Variants in RPA1 observed in about 807,000 individuals in gnomAD.
The protein encoded by RPA1 is replication protein A1.
RPA1 carries 49 observed loss-of-function variants against 83.0 expected under a neutral mutation model. The ratio of observed to expected loss-of-function variants is 0.59; its 90% CI spans 0.47 to 0.75. The LOEUF (loss-of-function observed/expected upper bound fraction) is 0.75, where lower values mean the gene tolerates loss of function less well. Among genes scored for constraint, RPA1 ranks in the 30% least tolerant of loss-of-function variants. RPA1 has a pLI of 0.00. For synonymous variants in RPA1, 279 were observed against 281.8 expected (o/e 0.99, Z 0.10); for missense variants, 693 against 776.1 (o/e 0.89, Z 1.27).
rs530297947 is a variant in RPA1, at chr17:1,846,634, T to C, written c.272+1948T>C. ...CGTGGCCGGCCGTCCATATTCTTTT[T>C]TCTTCTGGTATGTGGTATGCTTGTT... On this transcript the variant is annotated intron_variant, in intron 4 of 16. Coordinates refer to ENST00000254719, the MANE Select transcript of RPA1 (RefSeq NM_002945.5). 1.5e-4 allele frequency among the ~76,000 whole-genome samples: 23 copies of C among 152,214 alleles called. No individual in the cohort carries two copies. The South Asian group carries it at 4.8e-3, about 32-fold the overall frequency.
At chr17:1,842,038 T>C (rs1390519818) in intron 1 of RPA1, among the ~76,000 whole-genome samples, 1 of 152,144 alleles carries the variant, frequency 6.6e-6, no homozygotes, top group East Asian at 1.9e-4. Flanking sequence ...GATTCTTTTT[T>C]TTAAACAGAG....
chr17:1,841,106 T>C (rs1255015863), intron 1 of RPA1, among the ~76,000 whole-genome samples: 1 of 152,180 alleles, frequency 6.6e-6, no homozygotes, highest in East Asian at 1.9e-4. Context: ...TGATGGTGTT[T>C]AAGTGGCATT....
At position 1,889,221 on chromosome 17, in the gene RPA1, C is replaced by T. The variant is rs573661157; in HGVS notation, c.1551+370C>T. 1.8e-3 allele frequency among the ~76,000 whole-genome samples: 276 copies of T among 152,258 alleles called. 1 individual carries two copies. Among genetic ancestry groups the T allele is most frequent in the African/African-American group, 6.4e-3 (266 of 41,558 alleles). The stretch of plus-strand genomic sequence containing the variant: ...TCTCTAGCTTTAGTATAGCTGACTT[C>T]AGAGGAATGTGACGGTGTGCTGATG... On this transcript the variant is annotated intron_variant, in intron 14 of 16. Transcript: ENST00000254719.
At chr17:1,874,515 G>T (rs1913508864) in intron 6 of RPA1, among the ~76,000 whole-genome samples, 1 of 152,180 alleles carries the variant, frequency 6.6e-6, no homozygotes, top group Non-Finnish European at 1.5e-5. Context: ...TCAAAAAAAT[G>T]AAAATCAGTT....
chr17:1,875,388 C>T (rs9889302), intron 6 of RPA1, among the ~76,000 whole-genome samples: 12,963 of 152,244 alleles, frequency 0.085, 1,778 homozygotes, highest in African/African-American at 0.29. Flanking sequence ...CTGGATTCGT[C>T]ACCATTATTA....
At chr17:1,837,463 G>A (rs1161389909) in intron 1 of RPA1, among the ~76,000 whole-genome samples, 3 of 152,156 alleles carry the variant, frequency 2.0e-5, no homozygotes, top group Admixed American at 1.3e-4. Flanking sequence ...GTGGAAATAT[G>A]TTTTCGTTTC....
intron 1 of RPA1, among the ~76,000 whole-genome samples, chr17:1,833,257 A>G (rs1461370891): frequency 1.3e-5 from 2 of 152,164 alleles, no homozygotes; most frequent in Non-Finnish European, 2.9e-5. Flanking sequence ...GAGGCCTGCA[A>G]TCATGTCTGG....
chr17:1,875,901 A>T, intron 7 of RPA1, 108 bp downstream of exon 7: 1 of 1,034,580 alleles, frequency 9.7e-7, no homozygotes, highest in African/African-American at 1.7e-5. Flanking sequence ...ACCAAATACC[A>T]CCAAATAGAA....
At chr17:1,878,357 A>G (rs187786788) in intron 8 of RPA1, among the ~76,000 whole-genome samples, 3 of 152,318 alleles carry the variant, frequency 2.0e-5, no homozygotes, top group Admixed American at 2.0e-4. Flanking sequence ...AGTTGATATA[A>G]CACCCAAAAT....
At chr17:1,862,717 CTTTTT>C (rs71150827) in intron 5 of RPA1, among the ~76,000 whole-genome samples, 2 of 51,760 alleles carry the variant, frequency 3.9e-5, no homozygotes, top group East Asian at 6.8e-4. Flanking sequence ...CTGTGCCCAG[CTTTTT>C]TTTTTTTTTT....
At chr17:1,867,483 G>T (rs1054384698) in intron 5 of RPA1, among the ~76,000 whole-genome samples, 4 of 152,082 alleles carry the variant, frequency 2.6e-5, no homozygotes, top group African/African-American at 9.7e-5. Context: ...GAGGCAGGAG[G>T]ATCGCTGGAG....
Position 1,884,026 on chromosome 17 carries a change from A to G in RPA1, c.1374+82A>G. On this transcript the variant is annotated intron_variant, in intron 13 of 16. Transcript: ENST00000254719. The surrounding 1 kb of genome is among the most constrained non-coding windows in gnomAD (Gnocchi z 4.1). The stretch of plus-strand genomic sequence containing the variant: ...ATTTAGAAACTTGGTTTCCAGCACC[A>G]GCTGTCAGAGCCGTAATTCTTACCC... The G allele has an allele frequency of 6.4e-7, 1 of 1,570,882 alleles. No individual in the cohort carries two copies. The highest frequency in any genetic ancestry group is 8.7e-7 in the Non-Finnish European group (1 of 1,151,710).
intron 5 of RPA1, among the ~76,000 whole-genome samples, chr17:1,859,740 C>G (rs751987507): frequency 6.6e-6 from 1 of 152,172 alleles, no homozygotes; most frequent in Non-Finnish European, 1.5e-5. Flanking sequence ...AAGCAATCCT[C>G]CCACCTCCGC....
At chr17:1,882,753 G>T (rs1009886755) in intron 12 of RPA1, among the ~76,000 whole-genome samples, 1 of 152,160 alleles carries the variant, frequency 6.6e-6, no homozygotes, top group Non-Finnish European at 1.5e-5. Flanking sequence ...TTGGCTGTCC[G>T]TTTCCACACT....
chr17:1,853,154 G>T lies in RPA1; in HGVS notation c.326G>T (p.Gly109Val), dbSNP rs776899154. 3.7e-6 allele frequency: 6 copies of T among 1,614,040 alleles called. No homozygotes were observed. The highest frequency in any genetic ancestry group is 5.1e-6 in the Non-Finnish European group (6 of 1,180,028). ...LEVLKSAEAV[G>V]VKIGNPVPYN... ...GTTTTGAAGTCAGCTGAAGCAGTTG[G>T]AGTGAAGATTGGCAATCCAGTGCCC... The change falls in exon 5 of 17, where the codon GGA (glycine) becomes GTA (valine). Residue 109 changes from glycine to valine, a missense_variant. Coordinates refer to ENST00000254719, the MANE Select transcript of RPA1 (RefSeq NM_002945.5).
intron 13 of RPA1, 27 bp from the exon 14 acceptor site, chr17:1,888,648 G>C: frequency 6.3e-7 from 1 of 1,594,800 alleles, no homozygotes; most frequent in Non-Finnish European, 8.6e-7. Flanking sequence ...GCGACTCCGT[G>C]CCTCATGCTG....
chr17:1,858,462 CTCTTTT>C (rs931646919), intron 5 of RPA1: 148 of 1,233,774 alleles, frequency 1.2e-4, no homozygotes, highest in Non-Finnish European at 2.1e-5. Flanking sequence ...GTTCTGGTCT[CTCTTTT>C]TCTTTTTTTT....
chr17:1,860,056 C>T (rs752764276), intron 5 of RPA1, among the ~76,000 whole-genome samples: 3 of 151,174 alleles, frequency 2.0e-5, no homozygotes, highest in Non-Finnish European at 2.9e-5. Flanking sequence ...CATGATCTGC[C>T]CGCCTCAGCC....
intron 5 of RPA1, among the ~76,000 whole-genome samples, chr17:1,870,636 C>T (rs371838383): frequency 5.3e-5 from 8 of 152,348 alleles, no homozygotes; most frequent in African/African-American, 1.2e-4. Context: ...TCCCCACTCC[C>T]GCCATTCTCT....
Sources: gnomAD v4.1 joint callset for allele counts (sites outside exome capture counted in the v4.1 genomes callset) on GRCh38, gnomAD v4.1.1 for gene constraint, Gnocchi (gnomAD v3.1) non-coding constraint, MANE v1.5 for transcripts, NCBI Gene and HGNC (gene_info 2026-07-23, HGNC 2026-07-21) for gene names.